The following ICE2 variants were observed in gnomAD, a reference collection of about 807,000 sequenced individuals.
The protein encoded by ICE2 is interactor of little elongation complex ELL subunit 2, also known as little elongation complex subunit 2.
In ICE2, 87 loss-of-function variants were observed where a neutral mutation model predicts 105.4. The observed-to-expected ratio is 0.83, with a 90% CI of 0.69 to 0.99. The LOEUF (loss-of-function observed/expected upper bound fraction) is 0.99, where lower values mean the gene tolerates loss of function less well. Among genes scored for constraint, ICE2 ranks in the 50% least tolerant of loss-of-function variants. ICE2 has a pLI of 0.00. For missense variants in ICE2, 1,323 were observed against 1,146.7 expected (o/e 1.15, Z -2.22); for synonymous variants, 399 against 392.0 (o/e 1.02, Z -0.21).
intron 14 of ICE2, 49 bp downstream of exon 14, chr15:60,431,885 A>T (rs1383348880): frequency 9.7e-6 from 10 of 1,029,986 alleles, no homozygotes; most frequent in Middle Eastern, 2.2e-4. Flanking sequence ...AAGAATTTTC[A>T]TCTAAGAAAA....
At position 60,448,862 on chromosome 15, in the gene ICE2, T is replaced by C. The variant is rs1240953132; in HGVS notation, c.2105A>G (p.Gln702Arg). 29 of 1,581,908 alleles carry C rather than the reference T, an allele frequency of 1.8e-5. No individual in the cohort carries two copies. Among genetic ancestry groups the C allele is most frequent in the Non-Finnish European group, 2.5e-5 (29 of 1,169,078 alleles). Residue 702 changes from glutamine to arginine, a missense_variant, in exon 10 of 16, where the codon CAG becomes CGG. Transcript: ENST00000261520. The part of the protein sequence containing the change: ...WPKSGWPSAF[Q>R]KPKGRLPYEL... ...TATTTACTTACGTCCTTTTGGCTTC[T>C]GAAATGCAGAAGGCCATCCAGATTT...
chr15:60,477,649 A>G (rs1056363728), intron 2 of ICE2, among the ~76,000 whole-genome samples: 4 of 152,208 alleles, frequency 2.6e-5, no homozygotes, highest in Non-Finnish European at 5.9e-5. Context: ...ACTCAAGAAA[A>G]TTCCAGTATC....
intron 9 of ICE2, chr15:60,452,159 G>T: frequency 3.1e-6 from 3 of 974,658 alleles, no homozygotes; most frequent in Non-Finnish European, 3.7e-6. Context: ...AAAGTAAAAT[G>T]TGTAAGAAGA....
At chr15:60,448,415 AAAAT>A (rs2063874450) in intron 10 of ICE2, among the ~76,000 whole-genome samples, 2 of 152,228 alleles carry the variant, frequency 1.3e-5, no homozygotes, top group Admixed American at 6.5e-5. Context: ...CCATGTGAGA[AAAAT>A]AAAAAGTTTA....
At chr15:60,456,007 T>C (rs2064099953) in intron 6 of ICE2, among the ~76,000 whole-genome samples, 1 of 151,878 alleles carries the variant, frequency 6.6e-6, no homozygotes. Flanking sequence ...AACTCCAAAA[T>C]ATCCTCTCCA....
chr15:60,463,985 G>C (rs996825722), intron 5 of ICE2, among the ~76,000 whole-genome samples: 1 of 152,212 alleles, frequency 6.6e-6, no homozygotes, highest in African/African-American at 2.4e-5. Context: ...CTGGACAAGA[G>C]TTACGTAGAT....
In ICE2 at chr15:60,455,009, C is replaced by G; in HGVS notation, c.937G>C (p.Val313Leu). The G allele has an allele frequency of 1.3e-6, 2 of 1,545,396 alleles. No homozygotes were observed. The highest frequency in any genetic ancestry group is 1.7e-6 in the Non-Finnish European group (2 of 1,156,336). ...GACATAGCAAATTACAAACCTGCAA[C>G]AGGTATTACTTGAATACACACTGGA... ...EIPVCIQVIP[V>L]AGSKPVKVIY... Residue 313 changes from valine to leucine, a missense_variant, in exon 8 of 16, where the codon GTT (valine) becomes CTT (leucine). By Grantham distance (32) the Val-to-Leu change is conservative. Coordinates refer to ENST00000261520, the MANE Select transcript of ICE2 (RefSeq NM_024611.6).
At chr15:60,477,372 T>C (rs1595833240) in intron 2 of ICE2, among the ~76,000 whole-genome samples, 1 of 152,228 alleles carries the variant, frequency 6.6e-6, no homozygotes, top group Non-Finnish European at 1.5e-5. Context: ...TAATACTCTT[T>C]GTAACCATTT....
At chr15:60,434,378 CG>C (rs1555408358) in intron 13 of ICE2, among the ~76,000 whole-genome samples, 2 of 152,134 alleles carry the variant, frequency 1.3e-5, no homozygotes, top group Non-Finnish European at 2.9e-5. Flanking sequence ...TTCCCATGCA[CG>C]GCGGCTACTT....
At chr15:60,446,627 C>G (rs2063828679) in intron 11 of ICE2, among the ~76,000 whole-genome samples, 1 of 152,138 alleles carries the variant, frequency 6.6e-6, no homozygotes, top group Admixed American at 6.5e-5. Flanking sequence ...AATCTCCTGA[C>G]CTCGTGATCT....
intron 14 of ICE2, among the ~76,000 whole-genome samples, chr15:60,429,643 T>C (rs1330458977): frequency 6.6e-6 from 1 of 152,166 alleles, no homozygotes; most frequent in Non-Finnish European, 1.5e-5. Flanking sequence ...AAATAAAGAT[T>C]TATCATACTT....
At chr15:60,428,778 A>G in intron 14 of ICE2, 91 bp from the exon 15 acceptor site, 7 of 1,350,000 alleles carry the variant, frequency 5.2e-6, no homozygotes, top group Non-Finnish European at 7.1e-6. Context: ...AAAATTGAAA[A>G]TTATGAGAAG....
chr15:60,433,277 T>G (rs1414381214), intron 13 of ICE2, among the ~76,000 whole-genome samples: 1 of 151,504 alleles, frequency 6.6e-6, no homozygotes, highest in African/African-American at 2.4e-5. Flanking sequence ...TTAGTAGAGA[T>G]GGGGTTTCAC....
rs201169890 is a variant in ICE2 at position 60,456,735 on chromosome 15, G to A, written c.588C>T (p.His196=). The A allele has an allele frequency of 3.0e-5, 48 of 1,585,686 alleles. No homozygotes were observed. The highest frequency in any genetic ancestry group is 3.9e-5 in the Non-Finnish European group (45 of 1,165,802). The change falls in exon 6 of 16, where the codon CAC becomes CAT. Residue 196 remains histidine (H), a synonymous_variant. Coordinates refer to ENST00000261520, the MANE Select transcript of ICE2 (RefSeq NM_024611.6). ...VKKYSEFYTL[H]EVTSLMGFFP... ...AGAATCCCATTAAGCTGGTGACCTC[G>A]TGGAGAGTATAGAATTCTGAATACT...
chr15:60,432,100 A>C (rs2063472553), intron 13 of ICE2, 116 bp from the exon 14 acceptor site: 8 of 372,654 alleles, frequency 2.1e-5, no homozygotes, highest in Non-Finnish European at 2.8e-5. Flanking sequence ...AGCGGATGAG[A>C]TAATGTAATA....
At chr15:60,429,977 T>C (rs975971045) in intron 14 of ICE2, among the ~76,000 whole-genome samples, 2 of 152,192 alleles carry the variant, frequency 1.3e-5, no homozygotes, top group Non-Finnish European at 2.9e-5. Context: ...GCTGTACATG[T>C]CTAATGTACA....
At chr15:60,478,140 A>G (rs1490936897) in intron 1 of ICE2, 71 bp from the exon 2 acceptor site, 5 of 654,812 alleles carry the variant, frequency 7.6e-6, no homozygotes, top group African/African-American at 1.8e-5. Context: ...GGTGAGGAAG[A>G]ATCTCTCCCT....
chr15:60,453,695 C>G lies in ICE2; in HGVS notation c.1033G>C (p.Val345Leu). ...TTGGACATCATAAATTTTAATGGAA[C>G]TTCATGAAAGATTTGATTTCTCTCT... ...MRERNQIFHE[V>L]PLKFMMSKNT... Residue 345 changes from valine to leucine, a missense_variant, in exon 9 of 16, where the codon GTT becomes CTT. Physicochemically the swap from Val to Leu is conservative, Grantham distance 32 (BLOSUM62 1). Coordinates refer to ENST00000261520, the MANE Select transcript of ICE2 (RefSeq NM_024611.6). 4 of 1,612,412 alleles carry G rather than the reference C, an allele frequency of 2.5e-6. No individual in the cohort carries two copies. The highest frequency in any genetic ancestry group is 3.4e-6 in the Non-Finnish European group (4 of 1,178,558).
chr15:60,474,642 G>A (rs1567016308), intron 3 of ICE2, among the ~76,000 whole-genome samples: 1 of 152,162 alleles, frequency 6.6e-6, no homozygotes, highest in Non-Finnish European at 1.5e-5. Context: ...TATTGATAGG[G>A]AAGGACTTAC....
Sources: allele counts gnomAD v4.1 joint callset (sites outside exome capture counted in the v4.1 genomes callset), GRCh38; gene constraint gnomAD v4.1.1; transcripts MANE v1.5; gene names NCBI Gene and HGNC (gene_info 2026-07-23, HGNC 2026-07-21).